Variants in FBXO8 observed in about 807,000 individuals in gnomAD.
FBXO8 encodes the protein F-box protein 8.
FBXO8 carries 15 observed loss-of-function variants against 33.4 expected under a neutral mutation model. The observed-to-expected ratio is 0.45, with a 90% CI of 0.30 to 0.69. FBXO8 has a LOEUF of 0.69. FBXO8 is among the 30% of genes least tolerant of loss of function. The pLI, the probability that FBXO8 is intolerant of heterozygous loss-of-function variation, is 0.08. For missense variants in FBXO8, 274 were observed against 380.3 expected, an observed-to-expected ratio of 0.72 and a Z score of 2.32; for synonymous variants, 132 against 131.5, an observed-to-expected ratio of 1.00 and a Z score of -0.02.
Position 174,281,367 on chromosome 4 carries a change from A to C in FBXO8, c.-9+2043T>G, listed in dbSNP as rs915081425. Among the ~76,000 whole-genome samples the C allele has an allele frequency of 1.3e-5, 2 of 152,200 alleles. No individual in the cohort carries two copies. Among genetic ancestry groups the C allele is most frequent in the Non-Finnish European group, 2.9e-5 (2 of 68,036 alleles). ...GTTAAACTCCCTAAAGCTGTTGCCTAAACTCCAAACCACAAATATTTTTAT... is the reference window on the plus strand; with the variant it reads ...GTTAAACTCCCTAAAGCTGTTGCCTCAACTCCAAACCACAAATATTTTTAT... On this transcript the variant is annotated intron_variant, in intron 1 of 5. Transcript: ENST00000393674. The surrounding 1 kb of genome is among the most constrained non-coding windows in gnomAD (Gnocchi z 4.6).
In FBXO8 at chr4:174,254,149, C is replaced by G. The variant is rs1237580583; in HGVS notation, c.456+5550G>C. Among the ~76,000 whole-genome samples, 1 of 152,182 alleles carries G rather than the reference C, an allele frequency of 6.6e-6. No individual in the cohort carries two copies. The highest frequency in any genetic ancestry group is 3.2e-3 in the Middle Eastern group (1 of 316). Reference sequence around the variant, plus strand: ...AAAATGTGGAACATGCTGAGTCGAGCAGCATAATGAAGGGTGCTGAGAACT... The same window carrying G: ...AAAATGTGGAACATGCTGAGTCGAGGAGCATAATGAAGGGTGCTGAGAACT... On this transcript the variant is annotated intron_variant, in intron 3 of 5. Transcript: ENST00000393674. This position sits in a 1 kb window ranked among gnomAD's most constrained non-coding sequence, Gnocchi z 4.2.
Position 174,252,594 on chromosome 4 carries a change from T to C in FBXO8, c.456+7105A>G, listed in dbSNP as rs1408298008. ...GCTGCACATGGTCATGCCATTATAT[T>C]CTCACATACCAATGCCTAGAGGTGT... On this transcript the variant is annotated intron_variant, in intron 3 of 5. Coordinates refer to ENST00000393674, the MANE Select transcript of FBXO8 (RefSeq NM_012180.3). This position sits in a 1 kb window ranked among gnomAD's most constrained non-coding sequence, Gnocchi z 5.1. Among the ~76,000 whole-genome samples the C allele has an allele frequency of 6.6e-6, 1 of 152,016 alleles. No homozygotes were observed. The highest frequency in any genetic ancestry group is 1.5e-5 in the Non-Finnish European group (1 of 67,994).
rs1178149499 is a variant in FBXO8, at chr4:174,237,157, T to C, written c.*255A>G. 1.1e-5 allele frequency: 4 copies of C among 361,134 alleles called. No individual in the cohort carries two copies. Among genetic ancestry groups the C allele is most frequent in the African/African-American group, 8.2e-5 (4 of 48,942 alleles). The allele number at this position is 361,134 out of a possible 1,614,324, so 22.4% of individuals were successfully genotyped here. A position where few individuals can be genotyped will look rare whatever the true frequency, so the allele number is the denominator to read the frequency against. The stretch of plus-strand genomic sequence containing the variant: ...GAGTATAATGTCAGTTTATCATTCG[T>C]TAACAGCTGTGTTAGACAGTGGCTC... On this transcript the variant is annotated 3_prime_UTR_variant, in exon 6 of 6. Coordinates refer to ENST00000393674, the MANE Select transcript of FBXO8 (RefSeq NM_012180.3). This position sits in a 1 kb window ranked among gnomAD's most constrained non-coding sequence, Gnocchi z 4.4.
chr4:174,260,498 T>C (rs1011909418), intron 2 of FBXO8, among the ~76,000 whole-genome samples: 14 of 152,022 alleles, frequency 9.2e-5, no homozygotes, highest in African/African-American at 3.4e-4. Context: ...AATACATTCA[T>C]CAAGCTGTGA....
At position 174,262,759 on chromosome 4, in the gene FBXO8, C is replaced by T; in HGVS notation, c.329+5G>A. On this transcript the variant is annotated splice_donor_5th_base_variant and intron_variant, in intron 2 of 5. Coordinates refer to ENST00000393674, the MANE Select transcript of FBXO8 (RefSeq NM_012180.3). This position sits in a 1 kb window ranked among gnomAD's most constrained non-coding sequence, Gnocchi z 4.6. ...CTGAATTCAACTTTGGTGGGTTTAA[C>T]TTACCCTTGCCAGAGAAGTTCATCA... 6.2e-7 allele frequency: 1 copy of T among 1,612,362 alleles called. No individual in the cohort carries two copies. Among genetic ancestry groups the T allele is most frequent in the Non-Finnish European group, 8.5e-7 (1 of 1,178,652 alleles).
rs1251605594 is a variant in FBXO8, at chr4:174,263,867, A to T, written c.-8-767T>A. ...GCTCTAGTCTCCCCACTACCATCTG[A>T]CCTCCCACCAGAGCATTCTACATTT... On this transcript the variant is annotated intron_variant, in intron 1 of 5. Coordinates refer to ENST00000393674, the MANE Select transcript of FBXO8 (RefSeq NM_012180.3). The surrounding 1 kb of genome is among the most constrained non-coding windows in gnomAD (Gnocchi z 4.2). Among the ~76,000 whole-genome samples the T allele has an allele frequency of 6.6e-6, 1 of 151,862 alleles. No homozygotes were observed. Among genetic ancestry groups the T allele is most frequent in the Non-Finnish European group, 1.5e-5 (1 of 67,960 alleles).
Position 174,262,962 on chromosome 4 carries a change from C to A in FBXO8, c.131G>T (p.Arg44Leu). ...GTCAATGCCTCCTTGGACTTGTTTA[C>A]GATGATTGGTGTTAGAAATGTTGCT... The part of the protein sequence containing the change: ...AASNISNTNH[R>L]KQVQGGIDIY... Residue 44 changes from arginine to leucine, a missense_variant, in exon 2 of 6, where the codon CGT becomes CTT. Physicochemically the swap from Arg to Leu is moderately radical, Grantham distance 102. This residue lies in a region of FBXO8 where 88 missense variants were observed against 86.9 expected (regional missense o/e 1.01). Transcript: ENST00000393674. The surrounding 1 kb of genome is among the most constrained non-coding windows in gnomAD (Gnocchi z 4.6). 1 of 1,613,976 alleles carries A rather than the reference C, an allele frequency of 6.2e-7. No homozygotes were observed.
rs192136453 is a variant in FBXO8 at position 174,252,289 on chromosome 4, A to T, written c.456+7410T>A. Among the ~76,000 whole-genome samples the T allele has an allele frequency of 2.5e-3, 374 of 152,252 alleles. 3 individuals are homozygous for T. Among genetic ancestry groups the T allele is most frequent in the African/African-American group, 8.4e-3 (349 of 41,544 alleles). On this transcript the variant is annotated intron_variant, in intron 3 of 5. Transcript: ENST00000393674. The surrounding 1 kb of genome is among the most constrained non-coding windows in gnomAD (Gnocchi z 5.1). The stretch of plus-strand genomic sequence containing the variant: ...TACCCAGTTAGCAATGTTTATTTTT[A>T]AAAATTTGCATTGAGGATTACATCT...
At chr4:174,246,389 G>C (rs1736157703) in intron 3 of FBXO8, among the ~76,000 whole-genome samples, 1 of 151,948 alleles carries the variant, frequency 6.6e-6, no homozygotes, top group Non-Finnish European at 1.5e-5. Flanking sequence ...ACTAGAATAG[G>C]AAGAGGGCAC....
chr4:174,246,990 C>A (rs953330244), intron 3 of FBXO8, among the ~76,000 whole-genome samples: 1 of 151,976 alleles, frequency 6.6e-6, no homozygotes, highest in Non-Finnish European at 1.5e-5. Flanking sequence ...AAAGGAGTGC[C>A]AAGCAGCAGT....
rs1449012802 is a variant in FBXO8 at position 174,263,158 on chromosome 4, A to T, written c.-8-58T>A. 1 of 1,459,790 alleles carries T rather than the reference A, an allele frequency of 6.9e-7. No individual in the cohort carries two copies. Among genetic ancestry groups the T allele is most frequent in the Non-Finnish European group, 9.3e-7 (1 of 1,069,866 alleles). The allele number at this position is 1,459,790 out of a possible 1,614,324, so 90.4% of individuals were successfully genotyped here. On this transcript the variant is annotated intron_variant, in intron 1 of 5. Coordinates refer to ENST00000393674, the MANE Select transcript of FBXO8 (RefSeq NM_012180.3). The surrounding 1 kb of genome is among the most constrained non-coding windows in gnomAD (Gnocchi z 4.2). ...ATTTAAAAAGTAACCCATTTTTCCC[A>T]GTGGTATAACAAATCTGACATGAAG...
At position 174,266,804 on chromosome 4, in the gene FBXO8, C is replaced by T. The variant is rs1736706364; in HGVS notation, c.-8-3704G>A. Among the ~76,000 whole-genome samples the T allele has an allele frequency of 2.0e-5, 3 of 152,136 alleles. No individual in the cohort carries two copies. The South Asian group carries it at 6.2e-4, about 32-fold the overall frequency. On this transcript the variant is annotated intron_variant, in intron 1 of 5. Transcript: ENST00000393674. ...ATAAAAATGTCTATAGCTCAAAAAG[C>T]TATTGTGTTAAGTAAGATAATGTAC...
intron 1 of FBXO8, among the ~76,000 whole-genome samples, chr4:174,273,771 C>T (rs1736892071): frequency 6.6e-6 from 1 of 152,106 alleles, no homozygotes; most frequent in South Asian, 2.1e-4. Flanking sequence ...TTTGTAACTA[C>T]AAATCTCCTA....
rs1736728404 is a variant in FBXO8 at position 174,267,890 on chromosome 4, T to A, written c.-8-4790A>T. ...CAAAAAGTTTCAAATTCAAAAAAAATTCAACACAAAATAAGTTTTTGTATT... is the reference window on the plus strand; with the variant it reads ...CAAAAAGTTTCAAATTCAAAAAAAAATCAACACAAAATAAGTTTTTGTATT... On this transcript the variant is annotated intron_variant, in intron 1 of 5. Transcript: ENST00000393674. The surrounding 1 kb of genome is among the most constrained non-coding windows in gnomAD (Gnocchi z 4.7). 6.6e-6 allele frequency among the ~76,000 whole-genome samples: 1 copy of A among 152,192 alleles called. No homozygotes were observed. Among genetic ancestry groups the A allele is most frequent in the Non-Finnish European group, 1.5e-5 (1 of 68,032 alleles).
chr4:174,269,358 G>T (rs17060445), intron 1 of FBXO8, among the ~76,000 whole-genome samples: 2 of 151,728 alleles, frequency 1.3e-5, no homozygotes, highest in African/African-American at 2.4e-5. Context: ...CAAAGCAATC[G>T]CAACTGTACA....
Position 174,237,452 on chromosome 4 carries a change from A to C in FBXO8, c.920T>G (p.Leu307Arg). Reference protein sequence around the residue: ...QNISEDFVGHLYDNIYLIGHV... With the variant: ...QNISEDFVGHRYDNIYLIGHV... ...GCCAATAAGGTAGATATTGTCATAAAGATGCCCTACAAAATCTTCACTAAT... is the reference window on the plus strand; with the variant it reads ...GCCAATAAGGTAGATATTGTCATAACGATGCCCTACAAAATCTTCACTAAT... Residue 307 changes from leucine to arginine, a missense_variant, in exon 6 of 6, where the codon CTT (leucine) becomes CGT (arginine). This residue lies in a region of FBXO8 where 186 missense variants were observed against 293.4 expected (regional missense o/e 0.63). Transcript: ENST00000393674. The surrounding 1 kb of genome is among the most constrained non-coding windows in gnomAD (Gnocchi z 4.4). 1 of 1,613,744 alleles carries C rather than the reference A, an allele frequency of 6.2e-7. No homozygotes were observed. The highest frequency in any genetic ancestry group is 8.5e-7 in the Non-Finnish European group (1 of 1,179,710).
rs1377135027 is a variant in FBXO8, at chr4:174,274,015, T to C, written c.-9+9395A>G. Among the ~76,000 whole-genome samples, 1 of 152,232 alleles carries C rather than the reference T, an allele frequency of 6.6e-6. No individual in the cohort carries two copies. The highest frequency in any genetic ancestry group is 2.4e-5 in the African/African-American group (1 of 41,460). On this transcript the variant is annotated intron_variant, in intron 1 of 5. Transcript: ENST00000393674. This position sits in a 1 kb window ranked among gnomAD's most constrained non-coding sequence, Gnocchi z 4.0. Reference sequence around the variant, plus strand: ...GTTCTATCTGAGTCCAAAGCTTTTATTCTTAACCCACAAACCATATTCCCA... The same window carrying C: ...GTTCTATCTGAGTCCAAAGCTTTTACTCTTAACCCACAAACCATATTCCCA...
rs747893284 is a variant in FBXO8 at position 174,257,593 on chromosome 4, A to G, written c.456+2106T>C. Among the ~76,000 whole-genome samples, 1 of 152,140 alleles carries G rather than the reference A, an allele frequency of 6.6e-6. No individual in the cohort carries two copies. The highest frequency in any genetic ancestry group is 1.5e-5 in the Non-Finnish European group (1 of 68,014). ...GTACTGTACAGTACAGCACTGTACC[A>G]TTCTGCCTCAGTTTTACTCCAGCAA... On this transcript the variant is annotated intron_variant, in intron 3 of 5. Transcript: ENST00000393674. The surrounding 1 kb of genome is among the most constrained non-coding windows in gnomAD (Gnocchi z 4.3).
intron 4 of FBXO8, among the ~76,000 whole-genome samples, chr4:174,240,817 C>A (rs1579016992): frequency 6.6e-6 from 1 of 151,570 alleles, no homozygotes; most frequent in African/African-American, 2.4e-5. Context: ...ATCAGGGTTG[C>A]AGATTCCTGA....
Sources: gnomAD v4.1 joint callset for allele counts (sites outside exome capture counted in the v4.1 genomes callset) on GRCh38, gnomAD v4.1.1 for gene constraint, gnomAD v4.1.1 regional missense constraint, Gnocchi (gnomAD v3.1) non-coding constraint, MANE v1.5 for transcripts, NCBI Gene and HGNC (gene_info 2026-07-23, HGNC 2026-07-21) for gene names.